DYNLRB2: variants seen among roughly 807,000 people sequenced by gnomAD.
DYNLRB2 encodes dynein light chain roadblock-type 2, also known as bithoraxoid-like protein.
A neutral mutation model predicts 12.6 loss-of-function variants in DYNLRB2; 14 were observed. The observed-to-expected ratio is 1.11, with a 90% confidence interval of 0.73 to 1.73. The LOEUF (loss-of-function observed/expected upper bound fraction) is 1.73. Ranked by LOEUF, DYNLRB2 falls within the 40% of genes most tolerant of loss-of-function variation. The pLI, the probability that DYNLRB2 is intolerant of heterozygous loss-of-function variation, is 0.00. For missense variants in DYNLRB2, 142 were observed against 117.7 expected, an observed-to-expected ratio of 1.21 and a Z score of -0.95; for synonymous variants, 53 against 37.0, an observed-to-expected ratio of 1.43 and a Z score of -1.57.
chr16:80,542,050 T>C (rs1056874805), intron 1 of DYNLRB2, among the ~76,000 whole-genome samples: 1 of 152,196 alleles, frequency 6.6e-6, no homozygotes, highest in Non-Finnish European at 1.5e-5. Context: ...ATTAGGTCCT[T>C]AATACCACTG....
rs776025182 is a variant in DYNLRB2, at chr16:80,541,075, C to A, written c.-2C>A. 6.2e-7 allele frequency: 1 copy of A among 1,608,066 alleles called. No homozygotes were observed. Among genetic ancestry groups the A allele is most frequent in the East Asian group, 2.2e-5 (1 of 44,738 alleles). On this transcript the variant is annotated 5_prime_UTR_variant, in exon 1 of 4. Coordinates refer to ENST00000305904, the MANE Select transcript of DYNLRB2 (RefSeq NM_130897.3). ...TGAGCCCAGAGTTTCGCGGCCTCCGCGATGGTAAATCTGGGGTCTCCGTCC... is the reference window on the plus strand; with the variant it reads ...TGAGCCCAGAGTTTCGCGGCCTCCGAGATGGTAAATCTGGGGTCTCCGTCC...
intron 2 of DYNLRB2, chr16:80,548,139 C>G (rs1398697434): frequency 6.2e-6 from 1 of 160,874 alleles, no homozygotes; most frequent in African/African-American, 2.4e-5. Flanking sequence ...AATACGGATA[C>G]CTAAGGAATT....
chr16:80,550,615 C>T lies in DYNLRB2; in HGVS notation c.*57C>T. ...CTGGGTTGGAAACACTTGGCTCTCTCATGAGTATTAAAATTCTATTTCAAT... is the reference window on the plus strand; with the variant it reads ...CTGGGTTGGAAACACTTGGCTCTCTTATGAGTATTAAAATTCTATTTCAAT... On this transcript the variant is annotated 3_prime_UTR_variant, in exon 4 of 4. Transcript: ENST00000305904. The T allele has an allele frequency of 6.4e-7, 1 of 1,572,234 alleles. No individual in the cohort carries two copies. Among genetic ancestry groups the T allele is most frequent in the South Asian group, 1.1e-5 (1 of 89,866 alleles).
chr16:80,549,255 G>GA, intron 2 of DYNLRB2: 1 of 449,708 alleles, frequency 2.2e-6, no homozygotes, highest in Non-Finnish European at 4.0e-6. Context: ...ATTTTGTGAA[G>GA]AAAAAAGCAA....
chr16:80,543,239 G>T (rs760114193), intron 1 of DYNLRB2, 37 bp from the exon 2 acceptor site: 4 of 1,604,750 alleles, frequency 2.5e-6, no homozygotes, highest in Non-Finnish European at 3.4e-6. Flanking sequence ...GTTACCACAG[G>T]GCCCTTTTGG....
rs752483808 is a variant in DYNLRB2 at position 80,543,266 on chromosome 16, T to A, written c.4-10T>A. 2 of 1,613,568 alleles carry A rather than the reference T, an allele frequency of 1.2e-6. No individual in the cohort carries two copies. The highest frequency in any genetic ancestry group is 1.7e-5 in the Admixed American group (1 of 59,990). The stretch of plus-strand genomic sequence containing the variant: ...CCCTTTTGGTTAATTATCTTCCTGG[T>A]CTCTTTCAGGCAGAGGTGGAGGAAA... On this transcript the variant is annotated splice_polypyrimidine_tract_variant and intron_variant, in intron 1 of 3. Transcript: ENST00000305904.
chr16:80,545,663 CTTCT>C (rs1406371402), intron 2 of DYNLRB2, among the ~76,000 whole-genome samples: 2 of 30,144 alleles, frequency 6.6e-5, no homozygotes, highest in East Asian at 1.8e-3. Context: ...TACCCATTAG[CTTCT>C]TTTTTTTTTT....
chr16:80,545,857 T>G (rs1597091391), intron 2 of DYNLRB2, among the ~76,000 whole-genome samples: 1 of 151,030 alleles, frequency 6.6e-6, no homozygotes, highest in African/African-American at 2.4e-5. Flanking sequence ...TTGTTTTTTT[T>G]TTTTTAGTAG....
intron 1 of DYNLRB2, among the ~76,000 whole-genome samples, chr16:80,542,987 T>A (rs1006680317): frequency 3.9e-5 from 6 of 152,184 alleles, no homozygotes. Context: ...ACTTTTCTAG[T>A]AAATGGAAAC....
At chr16:80,541,106 C>G in intron 1 of DYNLRB2, 27 bp downstream of exon 1, 2 of 1,606,316 alleles carry the variant, frequency 1.2e-6, no homozygotes, top group South Asian at 2.2e-5. Flanking sequence ...CGTCCACGCC[C>G]CGCCGTTCCA....
In DYNLRB2 at chr16:80,548,942, G is replaced by C. The variant is rs1221813862; in HGVS notation, c.80-542G>C. On this transcript the variant is annotated intron_variant, in intron 2 of 3. Coordinates refer to ENST00000305904, the MANE Select transcript of DYNLRB2 (RefSeq NM_130897.3). ...ATATCCCTTTATGTTTGTGGCCTCA[G>C]GGAAGAAGACTAACACCATGTCACA... 3 of 455,996 alleles carry C rather than the reference G, an allele frequency of 6.6e-6. 1 individual carries two copies. The highest frequency in any genetic ancestry group is 6.5e-4 in the Middle Eastern group (2 of 3,070). 28.2% of individuals were successfully genotyped at this position (455,996 alleles called of 1,614,324 possible).
intron 1 of DYNLRB2, 171 bp downstream of exon 1, chr16:80,541,250 G>C (rs762065617): frequency 1.0e-6 from 1 of 954,056 alleles, no homozygotes; most frequent in African/African-American, 1.8e-5. Flanking sequence ...TTGGAAAGGG[G>C]CAAGAAGATG....
At chr16:80,545,299 T>C (rs996473038) in intron 2 of DYNLRB2, among the ~76,000 whole-genome samples, 12 of 152,116 alleles carry the variant, frequency 7.9e-5, no homozygotes, top group African/African-American at 2.7e-4. Flanking sequence ...AATAAATAAA[T>C]AAACAGAAAA....
rs1318667854 is a variant in DYNLRB2, at chr16:80,548,332, A to C, written c.80-1152A>C. On this transcript the variant is annotated intron_variant, in intron 2 of 3. Transcript: ENST00000305904. The stretch of plus-strand genomic sequence containing the variant: ...AATAGGCATTAATGCTGGGTGTTCC[A>C]AGTTGAGTTAGATTGATTTCAACTG... 2.5e-5 allele frequency: 4 copies of C among 157,466 alleles called. No individual in the cohort carries two copies. In the East Asian group the frequency reaches 5.6e-4, roughly 22 times the overall value. 9.8% of individuals were successfully genotyped at this position (157,466 alleles called of 1,614,324 possible). A position where few individuals can be genotyped will look rare whatever the true frequency, so the allele number is the denominator to read the frequency against.
chr16:80,549,011 G>T (rs1429755557), intron 2 of DYNLRB2: 2 of 455,908 alleles, frequency 4.4e-6, no homozygotes, highest in African/African-American at 4.0e-5. Flanking sequence ...AAGATGTTCA[G>T]GGGAGTGCAT....
chr16:80,543,860 TC>T (rs752713905), intron 2 of DYNLRB2, among the ~76,000 whole-genome samples: 22 of 152,210 alleles, frequency 1.4e-4, no homozygotes, highest in Non-Finnish European at 2.8e-4. Context: ...CCTACATATT[TC>T]CAACTATGAA....
intron 1 of DYNLRB2, among the ~76,000 whole-genome samples, chr16:80,542,258 T>G (rs1246977858): frequency 6.6e-6 from 1 of 152,232 alleles, no homozygotes; most frequent in Non-Finnish European, 1.5e-5. Context: ...TGCATTTATT[T>G]AAGCTTTTAG....
chr16:80,543,424 A>AG, intron 2 of DYNLRB2, 73 bp downstream of exon 2: 2 of 1,405,320 alleles, frequency 1.4e-6, no homozygotes, highest in Non-Finnish European at 2.0e-6. Flanking sequence ...TTAGTCCTTA[A>AG]GACAAACATC....
At chr16:80,543,183 T>C in intron 1 of DYNLRB2, 93 bp from the exon 2 acceptor site, 1 of 1,262,074 alleles carries the variant, frequency 7.9e-7, no homozygotes, top group South Asian at 1.3e-5. Flanking sequence ...GTTAAGGAGA[T>C]AGGAGAGTAG....
Sources: gnomAD v4.1 joint callset for allele counts (sites outside exome capture counted in the v4.1 genomes callset) on GRCh38, gnomAD v4.1.1 for gene constraint, MANE v1.5 for transcripts, NCBI Gene and HGNC (gene_info 2026-07-23, HGNC 2026-07-21) for gene names.